HAVCR2: variants seen among roughly 807,000 people sequenced by gnomAD.
HAVCR2 encodes the protein hepatitis A virus cellular receptor 2.
A neutral mutation model predicts 24.7 loss-of-function variants in HAVCR2; 13 were observed. That is an observed-to-expected ratio of 0.53 (90% CI 0.34 to 0.84). The LOEUF (loss-of-function observed/expected upper bound fraction) is 0.84, where lower values mean the gene tolerates loss of function less well. HAVCR2 is among the 40% of genes least tolerant of loss of function. The pLI is 0.01. For missense variants in HAVCR2, 343 were observed against 371.2 expected (o/e 0.92, Z 0.62); for synonymous variants, 154 against 143.4 (o/e 1.07, Z -0.53).
At chr5:157,100,786 A>G (rs1757155823) in intron 3 of HAVCR2, among the ~76,000 whole-genome samples, 1 of 152,122 alleles carries the variant, frequency 6.6e-6, no homozygotes, top group African/African-American at 2.4e-5. Flanking sequence ...CCTAATTACC[A>G]GAAAAAAATT....
chr5:157,104,740 G>A lies in HAVCR2; in HGVS notation c.404C>T (p.Thr135Ile), dbSNP rs1561623689. Residue 135 changes from threonine (T) to isoleucine (I), a missense_variant, in exon 3 of 7, where the codon ACC becomes ATC. Thr to Ile is a moderately conservative substitution (Grantham distance 89). Transcript: ENST00000307851. ...LKLVIKPAKVTPAPTRQRDFT... is the reference protein window; with the variant it reads ...LKLVIKPAKVIPAPTRQRDFT... ...GTCTCTCTGCCGAGTCGGTGCAGGG[G>A]TGACCTTGGCTAATGTCAGAAACAA... 9 of 1,596,302 alleles carry A rather than the reference G, an allele frequency of 5.6e-6. No individual in the cohort carries two copies. Among genetic ancestry groups the A allele is most frequent in the Non-Finnish European group, 7.7e-6 (9 of 1,169,664 alleles).
chr5:157,097,030 C>T (rs1433836165), intron 4 of HAVCR2, among the ~76,000 whole-genome samples: 1 of 151,748 alleles, frequency 6.6e-6, no homozygotes, highest in Non-Finnish European at 1.5e-5. Flanking sequence ...ATTCAATATA[C>T]ATTTACAAAT....
chr5:157,089,787 C>T (rs972914566), intron 5 of HAVCR2, among the ~76,000 whole-genome samples: 10 of 151,984 alleles, frequency 6.6e-5, no homozygotes, highest in African/African-American at 1.5e-4. Flanking sequence ...AAACTGAAAA[C>T]GTGGCTGGAT....
chr5:157,098,040 G>A (rs1207717988), intron 4 of HAVCR2, among the ~76,000 whole-genome samples: 1 of 152,114 alleles, frequency 6.6e-6, no homozygotes, highest in African/African-American at 2.4e-5. Context: ...GGGAGGCCAA[G>A]TTGGGCGGAT....
At chr5:157,105,388 G>A (rs1757233337) in intron 2 of HAVCR2, among the ~76,000 whole-genome samples, 1 of 151,928 alleles carries the variant, frequency 6.6e-6, no homozygotes, top group African/African-American at 2.4e-5. Flanking sequence ...TTATTTTTTA[G>A]TATCTGCCTA....
intron 4 of HAVCR2, among the ~76,000 whole-genome samples, chr5:157,098,573 GTTGTGAAA>G (rs1757126492): frequency 6.6e-6 from 1 of 152,204 alleles, no homozygotes; most frequent in South Asian, 2.1e-4. Context: ...AGGGTAGACA[GTTGTGAAA>G]TTGAAGAATA....
chr5:157,090,306 T>A (rs911126273), intron 5 of HAVCR2, among the ~76,000 whole-genome samples: 1 of 151,758 alleles, frequency 6.6e-6, no homozygotes, highest in Non-Finnish European at 1.5e-5. Flanking sequence ...TTTTTTTTAA[T>A]GTTTTTGGGC....
intron 2 of HAVCR2, 84 bp downstream of exon 2, chr5:157,106,543 G>T (rs1181138196): frequency 1.7e-6 from 2 of 1,193,448 alleles, no homozygotes; most frequent in Non-Finnish European, 2.4e-6. Context: ...AATTAGGGAA[G>T]TCAGAGATGA....
rs1231640236 is a variant in HAVCR2 at position 157,100,776 on chromosome 5, C to T, written c.479-1875G>A. Among the ~76,000 whole-genome samples, 3 of 151,988 alleles carry T rather than the reference C, an allele frequency of 2.0e-5. No individual in the cohort carries two copies. In the East Asian group the frequency reaches 5.8e-4, roughly 29 times the overall value. On this transcript the variant is annotated intron_variant, in intron 3 of 6. Coordinates refer to ENST00000307851, the MANE Select transcript of HAVCR2 (RefSeq NM_032782.5). ...AAGATTATGTTCCAATTACTTTTGC[C>T]CTAATTACCAGAAAAAAATTTAAAA...
chr5:157,089,284 C>T (rs904384809), intron 5 of HAVCR2, among the ~76,000 whole-genome samples: 2 of 152,178 alleles, frequency 1.3e-5, no homozygotes, highest in African/African-American at 2.4e-5. Flanking sequence ...ACGAAGCTCA[C>T]GCTCTCCTGT....
chr5:157,103,473 T>C (rs1486952623), intron 3 of HAVCR2, among the ~76,000 whole-genome samples: 1 of 152,124 alleles, frequency 6.6e-6, no homozygotes, highest in East Asian at 1.9e-4. Flanking sequence ...TTCTTTAAAA[T>C]ATAACAATGG....
At chr5:157,106,118 G>A (rs560276824) in intron 2 of HAVCR2, 1 of 110,940 alleles carries the variant, frequency 9.0e-6, no homozygotes, top group South Asian at 3.8e-4. Flanking sequence ...ATGAGTTTTG[G>A]CTTTTCTTTT....
intron 1 of HAVCR2, among the ~76,000 whole-genome samples, chr5:157,107,863 C>A (rs1000375968): frequency 1.4e-5 from 2 of 146,848 alleles, no homozygotes; most frequent in Admixed American, 6.8e-5. Context: ...TCCTCTGCCC[C>A]CCCCCCTTTT....
intron 3 of HAVCR2, among the ~76,000 whole-genome samples, chr5:157,101,397 G>A (rs1757163701): frequency 6.6e-6 from 1 of 152,190 alleles, no homozygotes; most frequent in Non-Finnish European, 1.5e-5. Context: ...TGGTGGGGCA[G>A]GTAGCAGCGG....
At position 157,106,655 on chromosome 5, in the gene HAVCR2, T is replaced by A; in HGVS notation, c.366A>T (p.Lys122Asn). The A allele has an allele frequency of 6.2e-7, 1 of 1,614,200 alleles. No individual in the cohort carries two copies. The highest frequency in any genetic ancestry group is 8.5e-7 in the Non-Finnish European group (1 of 1,180,014). The change falls in exon 2 of 7, where the codon AAA (lysine) becomes AAT (asparagine). Residue 122 changes from lysine (K) to asparagine (N), a missense_variant. Physicochemically the swap from Lys to Asn is moderately conservative, Grantham distance 94 (BLOSUM62 0). Coordinates refer to ENST00000307851, the MANE Select transcript of HAVCR2 (RefSeq NM_032782.5). Reference protein sequence around the residue: ...IQIPGIMNDEKFNLKLVIKPA... With the variant: ...IQIPGIMNDENFNLKLVIKPA... The stretch of plus-strand genomic sequence containing the variant: ...GTTTGATGACCAACTTCAGGTTAAA[T>A]TTTTCATCATTCATTATGCCTGGGA...
chr5:157,106,508 C>T, intron 2 of HAVCR2, 119 bp downstream of exon 2: 2 of 778,922 alleles, frequency 2.6e-6, no homozygotes, highest in East Asian at 2.6e-5. Context: ...AACTTTAGGT[C>T]TTAGTGGCCC....
Position 157,104,724 on chromosome 5 carries a change from C to A in HAVCR2, c.420G>T (p.Arg140=). ...KPAKVTPAPT[R]QRDFTAAFPR... is the part of the protein sequence containing the mutation. Reference sequence around the variant, plus strand: ...GAAAGGCTGCAGTGAAGTCTCTCTGCCGAGTCGGTGCAGGGGTGACCTTGG... The same window carrying A: ...GAAAGGCTGCAGTGAAGTCTCTCTGACGAGTCGGTGCAGGGGTGACCTTGG... The change falls in exon 3 of 7, where the codon CGG becomes CGT. Residue 140 remains arginine, a synonymous_variant. Transcript: ENST00000307851. 1 of 1,604,168 alleles carries A rather than the reference C, an allele frequency of 6.2e-7. No homozygotes were observed. Among genetic ancestry groups the A allele is most frequent in the Non-Finnish European group, 8.5e-7 (1 of 1,174,684 alleles).
chr5:157,104,767 A>G lies in HAVCR2; in HGVS notation c.395-18T>C. The G allele has an allele frequency of 6.5e-7, 1 of 1,537,670 alleles. No homozygotes were observed. The highest frequency in any genetic ancestry group is 8.9e-7 in the Non-Finnish European group (1 of 1,123,528). ...GACCTTGGCTAATGTCAGAAACAAC[A>G]TAAGGATGAAAATTATCTGAGAGCA... On this transcript the variant is annotated intron_variant, in intron 2 of 6. Transcript: ENST00000307851.
At chr5:157,108,348 G>A (rs1295473927) in intron 1 of HAVCR2, among the ~76,000 whole-genome samples, 3 of 152,014 alleles carry the variant, frequency 2.0e-5, no homozygotes, top group Non-Finnish European at 4.4e-5. Flanking sequence ...GCTGGGTGTG[G>A]TGGTGCACGC....
Sources: allele counts gnomAD v4.1 joint callset (sites outside exome capture counted in the v4.1 genomes callset), GRCh38; gene constraint gnomAD v4.1.1; transcripts MANE v1.5; gene names NCBI Gene and HGNC (gene_info 2026-07-23, HGNC 2026-07-21).